The following PARG variants were observed in gnomAD, a reference collection of about 807,000 sequenced individuals.
PARG encodes poly(ADP-ribose) glycohydrolase, also known as mitochondrial poly(ADP-ribose) glycohydrolase.
Under a neutral mutation model 113.0 loss-of-function variants are expected in PARG, and 35 were observed. The ratio of observed to expected loss-of-function variants is 0.31; its 90% CI spans 0.24 to 0.41. The LOEUF (loss-of-function observed/expected upper bound fraction) is 0.41. Among genes scored for constraint, PARG ranks in the 10% least tolerant of loss-of-function variants. The pLI is 1.00. For missense variants in PARG, 797 were observed against 1,169.4 expected, an observed-to-expected ratio of 0.68 and a Z score of 4.64; for synonymous variants, 330 against 409.9, an observed-to-expected ratio of 0.81 and a Z score of 2.36.
chr10:49,917,516 G>T (rs782539987), intron 6 of PARG, among the ~76,000 whole-genome samples: 8 of 133,786 alleles, frequency 6.0e-5, no homozygotes, highest in African/African-American at 8.3e-5. Flanking sequence ...AAGAAAAAAA[G>T]AAAAAAGAAT....
intron 15 of PARG, among the ~76,000 whole-genome samples, chr10:49,835,833 T>TTGC (rs1564600641): frequency 6.6e-6 from 1 of 152,082 alleles, no homozygotes; most frequent in African/African-American, 2.4e-5. Flanking sequence ...CATAGTGATG[T>TTGC]TGCAGTCAAC....
intron 7 of PARG, chr10:49,908,471 C>A (rs1202179558): frequency 1.3e-5 from 2 of 152,074 alleles, no homozygotes; most frequent in African/African-American, 4.8e-5. Context: ...ATTCCAGAGA[C>A]TGTGAGTCAC....
chr10:49,869,067 T>G (rs1217193921), intron 10 of PARG, among the ~76,000 whole-genome samples: 4 of 150,632 alleles, frequency 2.7e-5, no homozygotes, highest in African/African-American at 9.8e-5. Flanking sequence ...CACAAAGGGC[T>G]TAGGGGGGCA....
chr10:49,902,057 G>A (rs1337881112), intron 7 of PARG, among the ~76,000 whole-genome samples: 1 of 152,126 alleles, frequency 6.6e-6, no homozygotes, highest in East Asian at 1.9e-4. Flanking sequence ...AATAGCCTAC[G>A]TGGATAGTAG....
At chr10:49,895,156 G>C (rs371539732) in intron 7 of PARG, among the ~76,000 whole-genome samples, 629 of 152,020 alleles carry the variant, frequency 4.1e-3, no homozygotes, top group East Asian at 0.017. Context: ...CACATCCTGA[G>C]AGTCCAGGTG....
intron 15 of PARG, among the ~76,000 whole-genome samples, chr10:49,833,490 T>TGG (rs1844771140): frequency 1.3e-5 from 2 of 152,366 alleles, no homozygotes; most frequent in South Asian, 4.1e-4. Context: ...TGAAATAACC[T>TGG]TTAAGATGCC....
intron 13 of PARG, among the ~76,000 whole-genome samples, chr10:49,851,809 G>A (rs1310519705): frequency 6.6e-6 from 1 of 150,490 alleles, no homozygotes; most frequent in Non-Finnish European, 1.5e-5. Flanking sequence ...GAAGAAATGG[G>A]AAGATTGGAA....
At position 49,941,559 on chromosome 10, in the gene PARG, G is replaced by T; in HGVS notation, c.167C>A (p.Ala56Asp). The T allele has an allele frequency of 1.9e-6, 3 of 1,559,120 alleles. No homozygotes were observed. Among genetic ancestry groups the T allele is most frequent in the Admixed American group, 1.9e-5 (1 of 51,946 alleles). Reference protein sequence around the residue: ...VQFRVPPSSPACVPGRAGQHR... With the variant: ...VQFRVPPSSPDCVPGRAGQHR... Reference sequence around the variant, plus strand: ...CTGTCCCGCCCGCCCTGGGACGCAGGCTGGCGAGGACGGTGGGACCCTGAA... The same window carrying T: ...CTGTCCCGCCCGCCCTGGGACGCAGTCTGGCGAGGACGGTGGGACCCTGAA... Residue 56 changes from alanine to aspartate, a missense_variant, in exon 1 of 18, where the codon GCC becomes GAC. Physicochemically the swap from Ala to Asp is moderately radical, Grantham distance 126. Transcript: ENST00000616448.
chr10:49,833,082 C>T (rs1188804985), intron 15 of PARG, 174 bp from the exon 16 acceptor site: 6 of 438,838 alleles, frequency 1.4e-5, no homozygotes, highest in African/African-American at 4.1e-5. Context: ...AGAGAAAAAC[C>T]TGGGATTATG....
Position 49,932,167 on chromosome 10 carries a change from C to T in PARG, c.1388G>A (p.Arg463Lys). The T allele has an allele frequency of 6.2e-7, 1 of 1,606,664 alleles. No homozygotes were observed. Among genetic ancestry groups the T allele is most frequent in the Non-Finnish European group, 8.5e-7 (1 of 1,173,238 alleles). ...CAGCCGGATCCCACACCGAGGCATT[C>T]TTCTCATCTCCTCAATGGGAGTTCC... ...WLGTPIEEMRRMPRCGIRLPL... is the reference protein window; with the variant it reads ...WLGTPIEEMRKMPRCGIRLPL... Residue 463 changes from arginine (R) to lysine (K), a missense_variant, in exon 4 of 18, where the codon AGA (arginine) becomes AAA (lysine). Coordinates refer to ENST00000616448, the MANE Select transcript of PARG (RefSeq NM_003631.5).
At chr10:49,919,374 T>C (rs1837672741) in intron 6 of PARG, among the ~76,000 whole-genome samples, 2 of 152,246 alleles carry the variant, frequency 1.3e-5, no homozygotes, top group African/African-American at 4.8e-5. Context: ...CTGGGCAGCC[T>C]GCTTCTATGT....
chr10:49,920,481 TATATATATATATATATAC>T (rs1374444443), intron 6 of PARG, among the ~76,000 whole-genome samples: 23 of 101,794 alleles, frequency 2.3e-4, no homozygotes, highest in South Asian at 5.7e-4. Flanking sequence ...TATATATATA[TATATATATATATATATAC>T]ACACACACAC....
At chr10:49,850,498 C>T (rs781877452) in intron 13 of PARG, among the ~76,000 whole-genome samples, 3 of 152,140 alleles carry the variant, frequency 2.0e-5, no homozygotes, top group African/African-American at 4.8e-5. Context: ...ACCACAGATG[C>T]GTGATTCTAT....
At position 49,921,656 on chromosome 10, in the gene PARG, C is replaced by T. The variant is rs538800470; in HGVS notation, c.1662+680G>A. On this transcript the variant is annotated intron_variant, in intron 6 of 17. Coordinates refer to ENST00000616448, the MANE Select transcript of PARG (RefSeq NM_003631.5). ...ATTAAGTCTCTGAAAGAAAATAAAA[C>T]TCATTTTCATAGAAGTATAAAAAAT... Among the ~76,000 whole-genome samples, 619 of 151,956 alleles carry T rather than the reference C, an allele frequency of 4.1e-3. 4 individuals are homozygous for T. The highest frequency in any genetic ancestry group is 7.1e-3 in the Non-Finnish European group (483 of 67,932).
At chr10:49,894,448 T>A (rs1847977152) in intron 7 of PARG, among the ~76,000 whole-genome samples, 1 of 152,116 alleles carries the variant, frequency 6.6e-6, no homozygotes, top group Admixed American at 6.5e-5. Context: ...AAGCTGTAGG[T>A]CCTAGGAAAT....
intron 4 of PARG, 130 bp from the exon 5 acceptor site, chr10:49,922,799 C>G (rs1837954779): frequency 1.3e-6 from 1 of 761,360 alleles, no homozygotes; most frequent in African/African-American, 1.8e-5. Flanking sequence ...CACCAAAGAA[C>G]CCTTCAGTTC....
chr10:49,852,489 T>G (rs1162598302), intron 13 of PARG, among the ~76,000 whole-genome samples: 2 of 151,300 alleles, frequency 1.3e-5, no homozygotes, highest in East Asian at 3.9e-4. Flanking sequence ...CCTGTTTTAT[T>G]CCCAAGGAAA....
chr10:49,891,623 ATTTTT>A (rs1160158066), intron 7 of PARG, among the ~76,000 whole-genome samples: 189 of 47,194 alleles, frequency 4.0e-3, no homozygotes, highest in Admixed American at 5.8e-3. Context: ...ATATATATAT[ATTTTT>A]TTTTTTTTTT....
chr10:49,856,759 C>T (rs1846009701), intron 13 of PARG, among the ~76,000 whole-genome samples: 1 of 152,052 alleles, frequency 6.6e-6, no homozygotes, highest in Non-Finnish European at 1.5e-5. Flanking sequence ...CCTGTAATCC[C>T]AGCAATTTGG....
Sources: allele counts gnomAD v4.1 joint callset (sites outside exome capture counted in the v4.1 genomes callset), GRCh38; gene constraint gnomAD v4.1.1; transcripts MANE v1.5; gene names NCBI Gene and HGNC (gene_info 2026-07-23, HGNC 2026-07-21).